Variants in TECTA observed in about 807,000 individuals in gnomAD.
TECTA encodes tectorin alpha.
In TECTA, 128 loss-of-function variants were observed where a neutral mutation model predicts 216.8. The ratio of observed to expected loss-of-function variants is 0.59; its 90% CI spans 0.51 to 0.68. The LOEUF is 0.68. Ranked by LOEUF, TECTA falls within the 30% of genes least tolerant of loss-of-function variation. The pLI, the probability that TECTA is intolerant of heterozygous loss-of-function variation, is 0.00. For synonymous variants in TECTA, 1,089 were observed against 1,117.1 expected (o/e 0.97, Z 0.50); for missense variants, 2,551 against 2,786.2 (o/e 0.92, Z 1.90).
chr11:121,101,528 A>C (rs1318182385), intron 1 of TECTA, 86 bp downstream of exon 1: 1 of 151,634 alleles, frequency 6.6e-6, no homozygotes, highest in African/African-American at 2.4e-5. Flanking sequence ...CTCTAGTCTT[A>C]AACTTGCACG....
chr11:121,113,944 G>A lies in TECTA; in HGVS notation c.790+226G>A, dbSNP rs555867822. Among the ~76,000 whole-genome samples, 42 of 152,276 alleles carry A rather than the reference G, an allele frequency of 2.8e-4. No homozygotes were observed. In the South Asian group the frequency reaches 8.7e-3, roughly 32 times the overall value. ...CTTTGGAAGTCCTTTTCTGGAGTGT[G>A]CACACAGTTATCCGTTCTGAACAAC... On this transcript the variant is annotated intron_variant, in intron 6 of 23. Transcript: ENST00000392793. The surrounding 1 kb of genome is among the most constrained non-coding windows in gnomAD (Gnocchi z 4.2).
In TECTA at chr11:121,168,804, T is replaced by C. The variant is rs370139221; in HGVS notation, c.5878T>C (p.Tyr1960His). Residue 1960 changes from tyrosine (Y) to histidine (H), a missense_variant, in exon 20 of 24, where the codon TAT (tyrosine) becomes CAT (histidine). By Grantham distance (83) the Tyr-to-His change is moderately conservative (BLOSUM62 2). Coordinates refer to ENST00000392793, the MANE Select transcript of TECTA (RefSeq NM_005422.4). Reference sequence around the variant, plus strand: ...AGTGTTGACGACTCGAGATGTGCTGTATGTAGGGGTTTTTGTGGTTGGAGC... The same window carrying C: ...AGTGTTGACGACTCGAGATGTGCTGCATGTAGGGGTTTTTGTGGTTGGAGC... ...EVVLTTRDVL[Y>H]VGVFVVGADA... 15 of 1,614,078 alleles carry C rather than the reference T, an allele frequency of 9.3e-6. No individual in the cohort carries two copies. The highest frequency in any genetic ancestry group is 1.3e-5 in the Non-Finnish European group (15 of 1,180,032).
intron 11 of TECTA, among the ~76,000 whole-genome samples, chr11:121,141,384 A>T (rs1353691268): frequency 6.6e-6 from 1 of 152,208 alleles, no homozygotes; most frequent in Non-Finnish European, 1.5e-5. Flanking sequence ...CTTCCTTGGG[A>T]CACAGGGTCC....
At chr11:121,139,663 C>G (rs1946764755) in intron 11 of TECTA, among the ~76,000 whole-genome samples, 1 of 150,612 alleles carries the variant, frequency 6.6e-6, no homozygotes, top group East Asian at 1.9e-4. Context: ...GCACTCCAGC[C>G]TGGACGACAG....
In TECTA at chr11:121,187,870, A is replaced by G; in HGVS notation, c.6038A>G (p.Glu2013Gly). 6.2e-7 allele frequency: 1 copy of G among 1,614,250 alleles called. No homozygotes were observed. Among genetic ancestry groups the G allele is most frequent in the Non-Finnish European group, 8.5e-7 (1 of 1,180,050 alleles). Residue 2013 changes from glutamate to glycine, a missense_variant, in exon 21 of 24, where the codon GAG (glutamate) becomes GGG (glycine). Coordinates refer to ENST00000392793, the MANE Select transcript of TECTA (RefSeq NM_005422.4). ...NLKDNTIGIE[E>G]NAVSLTCRFH... ...AAAGATAACACCATTGGCATCGAGG[A>G]GAATGCAGTCTCCCTGACCTGTCGC...
At chr11:121,176,607 A>G (rs1268342184) in intron 20 of TECTA, among the ~76,000 whole-genome samples, 1 of 142,522 alleles carries the variant, frequency 7.0e-6, no homozygotes, top group East Asian at 2.0e-4. Flanking sequence ...TGCCCTTAAC[A>G]TTTTTTCCTT....
intron 20 of TECTA, among the ~76,000 whole-genome samples, chr11:121,182,164 C>T (rs1947236226): frequency 6.6e-6 from 1 of 152,060 alleles, no homozygotes. Context: ...GTGGCATTAA[C>T]AAGCACTCAT....
intron 10 of TECTA, among the ~76,000 whole-genome samples, chr11:121,131,484 T>G (rs1946674638): frequency 6.6e-6 from 1 of 152,174 alleles, no homozygotes; most frequent in East Asian, 1.9e-4. Context: ...ACCTAAATAT[T>G]TCAGTGTGTT....
intron 21 of TECTA, among the ~76,000 whole-genome samples, chr11:121,188,429 G>A (rs573706395): frequency 6.6e-6 from 1 of 152,328 alleles, no homozygotes; most frequent in East Asian, 1.9e-4. Flanking sequence ...CAAGGAGCCA[G>A]GCGGCCTGAC....
chr11:121,190,388 C>T (rs931461874), intron 23 of TECTA, among the ~76,000 whole-genome samples: 5 of 152,170 alleles, frequency 3.3e-5, no homozygotes, highest in African/African-American at 9.7e-5. Context: ...CCTCAACCAC[C>T]GGAGTAACTG....
intron 15 of TECTA, among the ~76,000 whole-genome samples, chr11:121,161,314 T>A (rs559580795): frequency 1.6e-4 from 24 of 152,226 alleles, no homozygotes; most frequent in African/African-American, 5.5e-4. Flanking sequence ...GGAGGCCCCA[T>A]ATATGGCAAA....
Position 121,105,924 on chromosome 11 carries a change from T to C in TECTA, c.158T>C (p.Ile53Thr). ...DGSSSEIKLA[I>T]PVFFFGVPYR... The stretch of plus-strand genomic sequence containing the variant: ...AGCTCATCTGAGATTAAGTTGGCCA[T>C]CCCAGTTTTCTTCTTTGGCGTTCCT... The change falls in exon 3 of 24, where the codon ATC (isoleucine) becomes ACC (threonine). Residue 53 changes from isoleucine to threonine, a missense_variant. Transcript: ENST00000392793. The surrounding 1 kb of genome is among the most constrained non-coding windows in gnomAD (Gnocchi z 5.3). The C allele has an allele frequency of 6.2e-7, 1 of 1,614,214 alleles. No individual in the cohort carries two copies. The highest frequency in any genetic ancestry group is 8.5e-7 in the Non-Finnish European group (1 of 1,180,020).
chr11:121,168,971 A>T, intron 20 of TECTA, 46 bp downstream of exon 20: 1 of 1,613,542 alleles, frequency 6.2e-7, no homozygotes, highest in Non-Finnish European at 8.5e-7. Context: ...TTCAGGTATA[A>T]TATTGTCCTC....
chr11:121,139,412 G>C (rs1946761854), intron 11 of TECTA, among the ~76,000 whole-genome samples: 1 of 152,212 alleles, frequency 6.6e-6, no homozygotes, highest in African/African-American at 2.4e-5. Context: ...AATGAGTGAG[G>C]CTGAGCACGG....
In TECTA at chr11:121,146,000, A is replaced by T. The variant is rs772358158; in HGVS notation, c.3989A>T (p.Asp1330Val). 4 of 1,613,918 alleles carry T rather than the reference A, an allele frequency of 2.5e-6. No homozygotes were observed. The highest frequency in any genetic ancestry group is 3.4e-6 in the Non-Finnish European group (4 of 1,179,978). The change falls in exon 12 of 24, where the codon GAC becomes GTC. Residue 1330 changes from aspartate (D) to valine (V), a missense_variant. Around this residue, in one of 3 missense-constraint regions of TECTA, gnomAD observed 2,375 missense variants for 2,563.9 expected, o/e 0.93. Transcript: ENST00000392793. ...PTFFYKNCLFDSCIDGGAVQT... is the reference protein window; with the variant it reads ...PTFFYKNCLFVSCIDGGAVQT... ...TTCTTCTATAAGAACTGCCTGTTTG[A>T]CTCTTGCATCGATGGGGGCGCGGTG... is the stretch of plus-strand genomic sequence containing the variant.
rs112368131 is a variant in TECTA, at chr11:121,132,466, G to T, written c.2941+2255G>T. Among the ~76,000 whole-genome samples, 644 of 152,246 alleles carry T rather than the reference G, an allele frequency of 4.2e-3. 6 individuals are homozygous for T. Among genetic ancestry groups the T allele is most frequent in the African/African-American group, 0.014 (597 of 41,532 alleles). On this transcript the variant is annotated intron_variant, in intron 10 of 23. Coordinates refer to ENST00000392793, the MANE Select transcript of TECTA (RefSeq NM_005422.4). ...TTCTCCAAGGATCTCTGGTTCCTTC[G>T]AGTGGAGCGTAGTGTTGAGGAGATA...
At chr11:121,157,174 G>T (rs1946949967) in intron 13 of TECTA, among the ~76,000 whole-genome samples, 1 of 152,198 alleles carries the variant, frequency 6.6e-6, no homozygotes, top group Non-Finnish European at 1.5e-5. Flanking sequence ...GTACTTGTTA[G>T]AAGTGTGATT....
At chr11:121,175,928 C>T (rs28895300) in intron 20 of TECTA, among the ~76,000 whole-genome samples, 18,883 of 151,978 alleles carry the variant, frequency 0.12, 1,576 homozygotes, top group South Asian at 0.33. Flanking sequence ...GAATTGATCC[C>T]TTTACCATTA....
intron 15 of TECTA, among the ~76,000 whole-genome samples, chr11:121,161,244 T>C (rs962455970): frequency 2.0e-5 from 3 of 152,148 alleles, no homozygotes; most frequent in Non-Finnish European, 2.9e-5. Flanking sequence ...GGCAATATCT[T>C]GTCCAATCTC....
Sources: gnomAD v4.1 joint callset for allele counts (sites outside exome capture counted in the v4.1 genomes callset) on GRCh38, gnomAD v4.1.1 for gene constraint, gnomAD v4.1.1 regional missense constraint, Gnocchi (gnomAD v3.1) non-coding constraint, MANE v1.5 for transcripts, NCBI Gene and HGNC (gene_info 2026-07-23, HGNC 2026-07-21) for gene names.